SCN3A: variants seen among roughly 807,000 people sequenced by gnomAD.
The protein encoded by SCN3A is sodium channel protein type 3 subunit alpha.
SCN3A carries 60 observed loss-of-function variants against 187.6 expected under a neutral mutation model. The observed-to-expected ratio is 0.32, with a 90% CI of 0.26 to 0.40. The LOEUF is 0.40. Among genes scored for constraint, SCN3A ranks in the 10% least tolerant of loss-of-function variants. The pLI, the probability that SCN3A is intolerant of heterozygous loss-of-function variation, is 1.00. For missense variants in SCN3A, 1,601 were observed against 2,428.2 expected (o/e 0.66, Z 7.16); for synonymous variants, 788 against 829.2 (o/e 0.95, Z 0.85).
intron 2 of SCN3A, among the ~76,000 whole-genome samples, chr2:165,185,352 C>T (rs1691165139): frequency 6.6e-6 from 1 of 152,146 alleles, no homozygotes. Flanking sequence ...ATGTTTCCTT[C>T]AAGTCCCTTG....
intron 21 of SCN3A, among the ~76,000 whole-genome samples, chr2:165,106,958 A>G (rs1313881457): frequency 2.6e-5 from 4 of 152,312 alleles, no homozygotes; most frequent in African/African-American, 9.6e-5. Context: ...TTATTAGTCA[A>G]TAAAATGGAG....
intron 11 of SCN3A, among the ~76,000 whole-genome samples, chr2:165,151,082 T>C (rs1688659198): frequency 6.6e-6 from 1 of 152,162 alleles, no homozygotes; most frequent in African/African-American, 2.4e-5. Context: ...CTGTATAAAA[T>C]CAATAAGGTA....
intron 9 of SCN3A, among the ~76,000 whole-genome samples, chr2:165,161,155 T>TTTTTTTTTG (rs1689364222): frequency 7.1e-6 from 1 of 141,112 alleles, no homozygotes; most frequent in African/African-American, 2.7e-5. Context: ...TTTTTTTTTT[T>TTTTTTTTTG]TTTTTTTGTT....
chr2:165,120,655 TACAC>T (rs1267958009), intron 18 of SCN3A, among the ~76,000 whole-genome samples: 1 of 152,068 alleles, frequency 6.6e-6, no homozygotes, highest in Non-Finnish European at 1.5e-5. Context: ...GTTTTGGTCA[TACAC>T]ACTATCAGGG....
intron 11 of SCN3A, among the ~76,000 whole-genome samples, chr2:165,150,537 T>C (rs764627128): frequency 6.6e-6 from 1 of 152,226 alleles, no homozygotes; most frequent in African/African-American, 2.4e-5. Flanking sequence ...AAATTTTATA[T>C]GTATGAAGCT....
intron 2 of SCN3A, among the ~76,000 whole-genome samples, chr2:165,185,056 G>A (rs540986015): frequency 4.7e-5 from 7 of 150,260 alleles, no homozygotes; most frequent in African/African-American, 1.7e-4. Flanking sequence ...CAATGTCATG[G>A]CTCTGAAAAA....
intron 15 of SCN3A, among the ~76,000 whole-genome samples, chr2:165,135,750 T>C (rs1189088246): frequency 6.6e-6 from 1 of 152,176 alleles, no homozygotes; most frequent in Non-Finnish European, 1.5e-5. Flanking sequence ...GCATTATTGA[T>C]ATGTTAATCA....
chr2:165,181,503 T>A (rs888652928), intron 2 of SCN3A, among the ~76,000 whole-genome samples: 2 of 152,208 alleles, frequency 1.3e-5, no homozygotes, highest in African/African-American at 4.8e-5. Flanking sequence ...TCACCACTAA[T>A]GTCATGAGAA....
rs532657725 is a variant in SCN3A, at chr2:165,140,497, A to G, written c.2019+154T>C. Among the ~76,000 whole-genome samples the G allele has an allele frequency of 1.3e-5, 2 of 152,268 alleles. No individual in the cohort carries two copies. Among genetic ancestry groups the G allele is most frequent in the Admixed American group, 6.5e-5 (1 of 15,298 alleles). On this transcript the variant is annotated intron_variant, in intron 13 of 27. Coordinates refer to ENST00000283254, the MANE Select transcript of SCN3A (RefSeq NM_006922.4). The surrounding 1 kb of genome is among the most constrained non-coding windows in gnomAD (Gnocchi z 4.2). The stretch of plus-strand genomic sequence containing the variant: ...GTCCCATACAATTCAATTGATTCTC[A>G]ATATTCTATTGTTTTCCCTTTGATT...
intron 1 of SCN3A, among the ~76,000 whole-genome samples, chr2:165,197,191 A>G (rs1692018755): frequency 1.3e-5 from 2 of 152,144 alleles, no homozygotes; most frequent in Non-Finnish European, 2.9e-5. Flanking sequence ...TTCCTTAAGT[A>G]TTTGCATAAT....
intron 3 of SCN3A, among the ~76,000 whole-genome samples, chr2:165,171,582 A>T (rs769975806): frequency 5.3e-5 from 8 of 152,028 alleles, no homozygotes; most frequent in Non-Finnish European, 1.2e-4. Context: ...CGATTCCAAT[A>T]TGCAATCAAG....
rs778148902 is a variant in SCN3A, at chr2:165,140,882, A to G, written c.1788T>C (p.Asp596=). 14 of 1,614,082 alleles carry G rather than the reference A, an allele frequency of 8.7e-6. No individual in the cohort carries two copies. In the East Asian group the frequency reaches 2.9e-4, roughly 33 times the overall value. Residue 596 remains aspartate, a synonymous_variant, in exon 13 of 28, where the codon GAT becomes GAC. Coordinates refer to ENST00000283254, the MANE Select transcript of SCN3A (RefSeq NM_006922.4). This position sits in a 1 kb window ranked among gnomAD's most constrained non-coding sequence, Gnocchi z 4.2. ...CGCTGTCTTCAAATGTGCTGTGTTC[A>G]TCATCAGCAAAGTCATTTTCAGATC... ...DVGSENDFAD[D]EHSTFEDSES... is the part of the protein sequence containing the mutation.
intron 23 of SCN3A, among the ~76,000 whole-genome samples, chr2:165,096,883 G>C (rs1369006131): frequency 6.6e-6 from 1 of 151,846 alleles, no homozygotes; most frequent in Non-Finnish European, 1.5e-5. Context: ...TAAATTATCT[G>C]GCTAATAATT....
intron 9 of SCN3A, among the ~76,000 whole-genome samples, chr2:165,161,904 A>G (rs555116250): frequency 1.3e-5 from 2 of 152,294 alleles, no homozygotes; most frequent in African/African-American, 4.8e-5. Context: ...CCTGAAGACC[A>G]CATTATAGTC....
At position 165,146,787 on chromosome 2, in the gene SCN3A, C is replaced by T; in HGVS notation, c.1623G>A (p.Met541Ile). The T allele has an allele frequency of 6.2e-7, 1 of 1,613,942 alleles. No individual in the cohort carries two copies. The highest frequency in any genetic ancestry group is 8.5e-7 in the Non-Finnish European group (1 of 1,179,904). Residue 541 changes from methionine to isoleucine, a missense_variant, in exon 12 of 28, where the codon ATG becomes ATA. Around this residue, in one of 11 missense-constraint regions of SCN3A, gnomAD observed 376 missense variants for 476.0 expected, o/e 0.79. Coordinates refer to ENST00000283254, the MANE Select transcript of SCN3A (RefSeq NM_006922.4). ...SVKRSSFLFS[M>I]DGNRLTSDKK... ...TGTCACTGGTCAGTCTGTTTCCATC[C>T]ATGGAGAAAAGGAAGCTGCTTCTTT... is the stretch of plus-strand genomic sequence containing the variant.
At position 165,168,841 on chromosome 2, in the gene SCN3A, G is replaced by A. The variant is rs757873240; in HGVS notation, c.384-16C>T. 1.3e-6 allele frequency: 2 copies of A among 1,575,440 alleles called. No individual in the cohort carries two copies. The highest frequency in any genetic ancestry group is 1.7e-6 in the Non-Finnish European group (2 of 1,145,414). ...GCTGAATAAAGTAGATTATAGTTAA[G>A]GAATAAATGTTAGTAGGTTACCATG... On this transcript the variant is annotated splice_polypyrimidine_tract_variant and intron_variant, in intron 4 of 27. Transcript: ENST00000283254.
At chr2:165,101,543 C>G (rs1685603991) in intron 21 of SCN3A, among the ~76,000 whole-genome samples, 1 of 152,062 alleles carries the variant, frequency 6.6e-6, no homozygotes, top group Non-Finnish European at 1.5e-5. Flanking sequence ...CCTTTTGCAT[C>G]CATTAAAAAT....
chr2:165,088,182 G>A lies in SCN3A; in HGVS notation c.*1968C>T, dbSNP rs971631239. ...TTTATTCTTTTGGCTCAATAATGAC[G>A]TAGCTCACCATTCTTTTTAGCAATA... On this transcript the variant is annotated 3_prime_UTR_variant, in exon 28 of 28. Coordinates refer to ENST00000283254, the MANE Select transcript of SCN3A (RefSeq NM_006922.4). The A allele has an allele frequency of 2.6e-5, 4 of 152,366 alleles. No individual in the cohort carries two copies. Among genetic ancestry groups the A allele is most frequent in the Non-Finnish European group, 4.4e-5 (3 of 67,956 alleles). 9.4% of individuals were successfully genotyped at this position (152,366 alleles called of 1,614,324 possible). A position where few individuals can be genotyped will look rare whatever the true frequency, so the allele number is the denominator to read the frequency against.
chr2:165,168,919 G>A, intron 4 of SCN3A, 94 bp from the exon 5 acceptor site: 1 of 800,172 alleles, frequency 1.2e-6, no homozygotes, highest in Non-Finnish European at 2.1e-6. Context: ...TGCAAAAACT[G>A]TGAAATTAAT....
Sources: gnomAD v4.1 joint callset for allele counts (sites outside exome capture counted in the v4.1 genomes callset) on GRCh38, gnomAD v4.1.1 for gene constraint, gnomAD v4.1.1 regional missense constraint, Gnocchi (gnomAD v3.1) non-coding constraint, MANE v1.5 for transcripts, NCBI Gene and HGNC (gene_info 2026-07-23, HGNC 2026-07-21) for gene names.